The following MCC variants were observed in gnomAD, a reference collection of about 807,000 sequenced individuals.
The protein encoded by MCC is colorectal mutant cancer protein.
MCC carries 90 observed loss-of-function variants against 116.2 expected under a neutral mutation model. That is an observed-to-expected ratio of 0.77 (90% CI 0.65 to 0.92). MCC has a LOEUF of 0.92. MCC is among the 40% of genes least tolerant of loss of function. The probability of loss-of-function intolerance (pLI) is 0.00; values close to 1 mark genes in which losing one functional copy is unlikely to be tolerated. For synonymous variants in MCC, 578 were observed against 510.5 expected (o/e 1.13, Z -1.78); for missense variants, 1,516 against 1,312.2 (o/e 1.16, Z -2.40).
intron 3 of MCC, among the ~76,000 whole-genome samples, chr5:113,318,327 G>A (rs1039897327): frequency 2.8e-4 from 43 of 152,248 alleles, no homozygotes; most frequent in Middle Eastern, 3.4e-3. Context: ...TAACTCCAAA[G>A]CCTACATAAG....
chr5:113,033,324 G>C (rs1421263611), intron 17 of MCC, among the ~76,000 whole-genome samples: 1 of 152,196 alleles, frequency 6.6e-6, no homozygotes, highest in African/African-American at 2.4e-5. Context: ...ATGAGCTTCA[G>C]TTACTCCTGG....
At chr5:113,067,965 T>A (rs1265567269) in intron 13 of MCC, 115 bp downstream of exon 13, 2 of 888,362 alleles carry the variant, frequency 2.3e-6, no homozygotes, top group African/African-American at 3.3e-5. Context: ...AAAACACACT[T>A]GACAACCAAA....
In MCC at chr5:113,273,756, C is replaced by T. The variant is rs114404488; in HGVS notation, c.627+66763G>A. Among the ~76,000 whole-genome samples the T allele has an allele frequency of 4.8e-3, 736 of 152,048 alleles. 6 individuals are homozygous for T. Among genetic ancestry groups the T allele is most frequent in the African/African-American group, 0.017 (686 of 41,446 alleles). ...GTATTAAGCAAATGAATGCAATTAA[C>T]ACTAGGCAAATGGTCACAATAATAA... On this transcript the variant is annotated intron_variant, in intron 3 of 18. Transcript: ENST00000408903.
At chr5:113,131,731 T>G (rs953391016) in intron 5 of MCC, among the ~76,000 whole-genome samples, 1 of 152,116 alleles carries the variant, frequency 6.6e-6, no homozygotes, top group African/African-American at 2.4e-5. Flanking sequence ...GGTTCCCACC[T>G]CCCTCTGCCT....
At chr5:113,032,311 G>A (rs547386660) in intron 17 of MCC, among the ~76,000 whole-genome samples, 1 of 151,972 alleles carries the variant, frequency 6.6e-6, no homozygotes, top group South Asian at 2.1e-4. Context: ...GGGAGCCTGA[G>A]GCAGGAGAAT....
chr5:113,470,979 TA>T (rs1286727519), intron 1 of MCC, among the ~76,000 whole-genome samples: 4 of 152,248 alleles, frequency 2.6e-5, no homozygotes, highest in African/African-American at 9.6e-5. Context: ...CATCGGCTAC[TA>T]AGGCTTCTGC....
At chr5:113,261,885 T>C (rs1400797286) in intron 3 of MCC, among the ~76,000 whole-genome samples, 1 of 152,144 alleles carries the variant, frequency 6.6e-6, no homozygotes, top group Non-Finnish European at 1.5e-5. Flanking sequence ...AGTGTCCACA[T>C]GATGCAGTAT....
At chr5:113,060,328 T>C (rs1465434844) in intron 14 of MCC, among the ~76,000 whole-genome samples, 1 of 152,146 alleles carries the variant, frequency 6.6e-6, no homozygotes, top group African/African-American at 2.4e-5. Context: ...CTAAATTTTG[T>C]ATTTTTAATA....
chr5:113,391,371 A>G (rs1769397092), intron 1 of MCC, among the ~76,000 whole-genome samples: 1 of 152,160 alleles, frequency 6.6e-6, no homozygotes. Context: ...GGCTGAAAAC[A>G]GTGGCTGTAC....
rs1175733733 is a variant in MCC at position 113,419,813 on chromosome 5, T to G, written c.171-34601A>C. 7.2e-5 allele frequency among the ~76,000 whole-genome samples: 10 copies of G among 139,624 alleles called. No individual in the cohort carries two copies. The East Asian group carries it at 1.1e-3, about 15-fold the overall frequency. The allele number at this position is 139,624 out of a possible 152,430, so 91.6% of individuals were successfully genotyped here. A position where few individuals can be genotyped will look rare whatever the true frequency, so the allele number is the denominator to read the frequency against. On this transcript the variant is annotated intron_variant, in intron 1 of 18. Transcript: ENST00000408903. ...GCATGTTCTCACTCATAGGTGGGAA[T>G]TGAACAATGAGAACACATGGACACA...
At chr5:113,405,322 T>A (rs2150400347) in intron 1 of MCC, among the ~76,000 whole-genome samples, 1 of 152,340 alleles carries the variant, frequency 6.6e-6, no homozygotes, top group South Asian at 2.1e-4. Flanking sequence ...TATCAGTTAA[T>A]CTTCTGCAGG....
At chr5:113,094,055 T>C (rs921505912) in intron 8 of MCC, among the ~76,000 whole-genome samples, 2 of 152,176 alleles carry the variant, frequency 1.3e-5, no homozygotes, top group Non-Finnish European at 2.9e-5. Context: ...GGAAAGCTGC[T>C]ATCTCGAAGT....
intron 1 of MCC, among the ~76,000 whole-genome samples, chr5:113,462,918 C>A (rs750976021): frequency 2.6e-5 from 4 of 152,142 alleles, no homozygotes; most frequent in Non-Finnish European, 2.9e-5. Context: ...TATTAACCAA[C>A]AATTCCCACG....
intron 6 of MCC, among the ~76,000 whole-genome samples, chr5:113,107,038 G>C (rs907889020): frequency 2.6e-5 from 4 of 151,912 alleles, no homozygotes; most frequent in African/African-American, 7.3e-5. Context: ...TCTACTAAAC[G>C]TAAGTTCCAG....
At chr5:113,391,161 G>A (rs970675743) in intron 1 of MCC, among the ~76,000 whole-genome samples, 3 of 152,142 alleles carry the variant, frequency 2.0e-5, no homozygotes, top group Non-Finnish European at 4.4e-5. Flanking sequence ...AAGAAAAAAG[G>A]AGAAGAAGTT....
intron 5 of MCC, among the ~76,000 whole-genome samples, chr5:113,132,457 C>T (rs371728113): frequency 0.84 from 112,921 of 134,160 alleles, 49,682 homozygotes; most frequent in Non-Finnish European, 0.95. Flanking sequence ...CACACACACA[C>T]ACACACACAC....
chr5:113,183,359 A>G (rs1273463133), intron 3 of MCC, among the ~76,000 whole-genome samples: 1 of 152,206 alleles, frequency 6.6e-6, no homozygotes, highest in Non-Finnish European at 1.5e-5. Flanking sequence ...GTGCAACTTA[A>G]TTCAAATCTA....
At position 113,024,137 on chromosome 5, in the gene MCC, G is replaced by C. The variant is rs1273480743; in HGVS notation, c.*3165C>G. On this transcript the variant is annotated 3_prime_UTR_variant, in exon 19 of 19. Coordinates refer to ENST00000408903, the MANE Select transcript of MCC (RefSeq NM_001085377.2). ...AGTAGAATGTCAAGGCTCTGACTTA[G>C]AAGAGGTCCCTCTAAAATATTGCTG... The C allele has an allele frequency of 1.3e-5, 2 of 151,822 alleles. No individual in the cohort carries two copies. Among genetic ancestry groups the C allele is most frequent in the Admixed American group, 6.5e-5 (1 of 15,268 alleles). 9.4% of individuals were successfully genotyped at this position (151,822 alleles called of 1,614,324 possible). A position where few individuals can be genotyped will look rare whatever the true frequency, so the allele number is the denominator to read the frequency against.
At chr5:113,424,398 A>G (rs2150408401) in intron 1 of MCC, among the ~76,000 whole-genome samples, 1 of 152,308 alleles carries the variant, frequency 6.6e-6, no homozygotes, top group South Asian at 2.1e-4. Flanking sequence ...CATAATTTTC[A>G]CAGAACAATA....
Sources: gnomAD v4.1 joint callset for allele counts (sites outside exome capture counted in the v4.1 genomes callset) on GRCh38, gnomAD v4.1.1 for gene constraint, MANE v1.5 for transcripts, NCBI Gene and HGNC (gene_info 2026-07-23, HGNC 2026-07-21) for gene names.